SOX5: variants seen among roughly 807,000 people sequenced by gnomAD.
SOX5 encodes the protein transcription factor SOX-5.
Under a neutral mutation model 92.0 loss-of-function variants are expected in SOX5, and 9 were observed. That is an observed-to-expected ratio of 0.10 (90% CI 0.06 to 0.17). The LOEUF (loss-of-function observed/expected upper bound fraction) is 0.17, where lower values mean the gene tolerates loss of function less well. Among genes scored for constraint, SOX5 ranks in the 10% least tolerant of loss-of-function variants. The pLI is 1.00. For missense variants in SOX5, 642 were observed against 944.5 expected (o/e 0.68, Z 4.20); for synonymous variants, 344 against 336.3 (o/e 1.02, Z -0.25).
intron 2 of SOX5, among the ~76,000 whole-genome samples, chr12:24,324,511 G>A (rs945421209): frequency 3.3e-5 from 5 of 151,446 alleles, no homozygotes; most frequent in Admixed American, 3.3e-4. Context: ...ACAAAGAAAA[G>A]TTTTTGCAAT....
chr12:24,066,809 A>C (rs1384876363), intron 4 of SOX5, among the ~76,000 whole-genome samples: 1 of 152,220 alleles, frequency 6.6e-6, no homozygotes, highest in Non-Finnish European at 1.5e-5. Context: ...GGTGAAGAGT[A>C]AGTAAAAGTC....
At chr12:24,285,446 A>T (rs1233355295) in intron 2 of SOX5, among the ~76,000 whole-genome samples, 1 of 152,120 alleles carries the variant, frequency 6.6e-6, no homozygotes, top group South Asian at 2.1e-4. Context: ...TTCTTATTCT[A>T]TACCTTTTGT....
chr12:23,824,416 C>A (rs1230176992), intron 3 of SOX5, among the ~76,000 whole-genome samples: 1 of 152,202 alleles, frequency 6.6e-6, no homozygotes, highest in Non-Finnish European at 1.5e-5. Flanking sequence ...GGGTCCACTC[C>A]AGACCCTGTT....
intron 4 of SOX5, among the ~76,000 whole-genome samples, chr12:24,095,933 A>C (rs1945353251): frequency 6.6e-6 from 1 of 152,080 alleles, no homozygotes; most frequent in Admixed American, 6.6e-5. Context: ...AGTCAATTAA[A>C]CTTCTTTCCT....
At chr12:23,863,834 ACACACACT>A (rs2136506719) in intron 2 of SOX5, among the ~76,000 whole-genome samples, 1 of 140,784 alleles carries the variant, frequency 7.1e-6, no homozygotes, top group Admixed American at 7.0e-5. Context: ...ACACACACAC[ACACACACT>A]CTGAAATAAA....
intron 9 of SOX5, among the ~76,000 whole-genome samples, chr12:23,590,585 T>C (rs1408688732): frequency 6.6e-6 from 1 of 152,106 alleles, no homozygotes; most frequent in East Asian, 1.9e-4. Context: ...CATATTATTC[T>C]TTGAATAGCA....
chr12:24,316,482 C>T (rs1949706543), intron 2 of SOX5, among the ~76,000 whole-genome samples: 1 of 152,130 alleles, frequency 6.6e-6, no homozygotes, highest in Non-Finnish European at 1.5e-5. Flanking sequence ...ATGTACTAGG[C>T]AAAATTTTCA....
rs541118223 is a variant in SOX5, at chr12:23,563,109, G to A, written c.1488+149C>T. 5.8e-4 allele frequency: 350 copies of A among 608,606 alleles called. 1 individual carries two copies. The highest frequency in any genetic ancestry group is 9.1e-4 in the Non-Finnish European group (325 of 357,322). The allele number at this position is 608,606 out of a possible 1,614,324, so 37.7% of individuals were successfully genotyped here. On this transcript the variant is annotated intron_variant, in intron 11 of 14. Transcript: ENST00000451604. Reference sequence around the variant, plus strand: ...ATTTCCAGATGGTTTTGATTAGGATGGCGATGAGGCCTTCTATATTAATGG... The same window carrying A: ...ATTTCCAGATGGTTTTGATTAGGATAGCGATGAGGCCTTCTATATTAATGG...
At chr12:24,011,836 C>T (rs1278347750) in intron 4 of SOX5, among the ~76,000 whole-genome samples, 4 of 152,004 alleles carry the variant, frequency 2.6e-5, no homozygotes, top group Admixed American at 6.6e-5. Context: ...TCTTCCTAAA[C>T]GAATGAGTAT....
chr12:23,895,096 C>T (rs1447324745), intron 2 of SOX5, among the ~76,000 whole-genome samples: 1 of 150,802 alleles, frequency 6.6e-6, no homozygotes, highest in Non-Finnish European at 1.5e-5. Context: ...GTTATGCTGG[C>T]TTCTTTCCTC....
At chr12:23,668,777 A>G (rs1310633925) in intron 6 of SOX5, among the ~76,000 whole-genome samples, 1 of 152,134 alleles carries the variant, frequency 6.6e-6, no homozygotes, top group African/African-American at 2.4e-5. Flanking sequence ...GCTACTTCCT[A>G]TATTTTAAAA....
intron 2 of SOX5, among the ~76,000 whole-genome samples, chr12:23,854,424 T>A (rs932777262): frequency 1.3e-5 from 2 of 152,204 alleles, no homozygotes; most frequent in Admixed American, 1.3e-4. Context: ...TTATTTATAA[T>A]CTGTATTATA....
chr12:24,500,118 G>A (rs1451081623), intron 1 of SOX5, among the ~76,000 whole-genome samples: 3 of 152,126 alleles, frequency 2.0e-5, no homozygotes, highest in Non-Finnish European at 4.4e-5. Context: ...CTGACATAGA[G>A]CTTTGTGTCA....
At chr12:24,116,201 ATAGAGATTGTTAACATT>A (rs1947979751) in intron 4 of SOX5, among the ~76,000 whole-genome samples, 1 of 152,188 alleles carries the variant, frequency 6.6e-6, no homozygotes, top group Admixed American at 6.5e-5. Context: ...GTGTATAACA[ATAGAGATTGTTAACATT>A]TATTTGGCAT....
chr12:24,327,653 C>T (rs1050921298), intron 2 of SOX5, among the ~76,000 whole-genome samples: 2 of 151,690 alleles, frequency 1.3e-5, no homozygotes, highest in East Asian at 1.9e-4. Context: ...GCGCATTCTC[C>T]GCTCACTGCA....
intron 3 of SOX5, among the ~76,000 whole-genome samples, chr12:23,792,925 T>C (rs996438823): frequency 1.3e-5 from 2 of 152,124 alleles, no homozygotes; most frequent in African/African-American, 4.8e-5. Flanking sequence ...CACTAAGTAG[T>C]CTTAAAGGTA....
intron 2 of SOX5, among the ~76,000 whole-genome samples, chr12:23,892,031 T>C (rs1009452967): frequency 6.6e-6 from 1 of 152,148 alleles, no homozygotes; most frequent in African/African-American, 2.4e-5. Flanking sequence ...ATCTAGTATA[T>C]GTTAGATCCC....
intron 8 of SOX5, among the ~76,000 whole-genome samples, chr12:23,625,193 T>C (rs1199349014): frequency 6.6e-6 from 1 of 152,216 alleles, no homozygotes; most frequent in Non-Finnish European, 1.5e-5. Flanking sequence ...AATTGTGTAG[T>C]ACTTTCTGAG....
chr12:24,557,427 G>GA (rs942743375), intron 1 of SOX5, among the ~76,000 whole-genome samples: 1 of 149,374 alleles, frequency 6.7e-6, no homozygotes, highest in East Asian at 2.0e-4. Context: ...AAGAAAGAAA[G>GA]AAAAAAAGAG....
Sources: gnomAD v4.1 joint callset for allele counts (sites outside exome capture counted in the v4.1 genomes callset) on GRCh38, gnomAD v4.1.1 for gene constraint, MANE v1.5 for transcripts, NCBI Gene and HGNC (gene_info 2026-07-23, HGNC 2026-07-21) for gene names.